Variants in SEMA5B observed in about 807,000 individuals in gnomAD.
SEMA5B encodes semaphorin-5B.
In SEMA5B, 66 loss-of-function variants were observed where a neutral mutation model predicts 135.0. That is an observed-to-expected ratio of 0.49 (90% CI 0.40 to 0.60). SEMA5B has a LOEUF of 0.60. Ranked by LOEUF, SEMA5B falls within the 20% of genes least tolerant of loss-of-function variation. SEMA5B has a pLI of 0.00. For missense variants in SEMA5B, 1,501 were observed against 1,566.3 expected, an observed-to-expected ratio of 0.96 and a Z score of 0.70; for synonymous variants, 690 against 639.5, an observed-to-expected ratio of 1.08 and a Z score of -1.19.
chr3:122,934,416 T>C (rs1939145490), intron 5 of SEMA5B, among the ~76,000 whole-genome samples: 1 of 152,198 alleles, frequency 6.6e-6, no homozygotes, highest in Non-Finnish European at 1.5e-5. Context: ...TAACAATCAA[T>C]GTACAGGTGA....
At chr3:123,015,703 T>A (rs1942539761) in intron 1 of SEMA5B, among the ~76,000 whole-genome samples, 8 of 152,138 alleles carry the variant, frequency 5.3e-5, no homozygotes, top group Admixed American at 5.2e-4. Flanking sequence ...ATATTAGGCA[T>A]TGTCACCCAA....
intron 1 of SEMA5B, among the ~76,000 whole-genome samples, chr3:122,979,423 C>T (rs1390239552): frequency 1.3e-5 from 2 of 152,226 alleles, no homozygotes; most frequent in Non-Finnish European, 2.9e-5. Context: ...CTTGTGCCAC[C>T]TCTGGGGGTT....
Position 122,961,257 on chromosome 3 carries a change from A to G in SEMA5B, c.7T>C (p.Cys3Arg). The G allele has an allele frequency of 1.2e-6, 2 of 1,614,040 alleles. No individual in the cohort carries two copies. The highest frequency in any genetic ancestry group is 4.5e-5 in the East Asian group (2 of 44,876). Residue 3 changes from cysteine (C) to arginine (R), a missense_variant, in exon 2 of 23, where the codon TGT (cysteine) becomes CGT (arginine). Physicochemically the swap from Cys to Arg is radical, Grantham distance 180. Around this residue, in one of 2 missense-constraint regions of SEMA5B, gnomAD observed 574 missense variants for 684.7 expected, o/e 0.84. Coordinates refer to ENST00000357599, the MANE Select transcript of SEMA5B (RefSeq NM_001031702.4). MP[C>R]GFSPSPVAHH... Reference sequence around the variant, plus strand: ...GCAACAGGAGACGGACTGAAGCCACAGGGCATCCAAGAGACACAGGCCAGG... The same window carrying G: ...GCAACAGGAGACGGACTGAAGCCACGGGGCATCCAAGAGACACAGGCCAGG...
intron 3 of SEMA5B, among the ~76,000 whole-genome samples, 188 bp downstream of exon 3, chr3:122,948,318 C>T (rs1300838841): frequency 2.0e-5 from 3 of 152,224 alleles, no homozygotes; most frequent in Non-Finnish European, 4.4e-5. Flanking sequence ...CCCCTCCAGC[C>T]CATTGCTGCC....
Position 123,012,141 on chromosome 3 carries a change from G to A in SEMA5B, c.-39+15323C>T, listed in dbSNP as rs147849279. On this transcript the variant is annotated intron_variant, in intron 1 of 22. Transcript: ENST00000357599. ...AGGCAAGTTTCTTAACCTCTCTGAG[G>A]TCTTTTCCTCGTGTGTAAACCGGGG... Among the ~76,000 whole-genome samples, 604 of 152,284 alleles carry A rather than the reference G, an allele frequency of 4.0e-3. 5 individuals carry two copies. The highest frequency in any genetic ancestry group is 0.014 in the African/African-American group (570 of 41,546).
chr3:122,943,595 G>A (rs1001693517), intron 3 of SEMA5B, 60 bp from the exon 4 acceptor site: 37 of 1,248,838 alleles, frequency 3.0e-5, no homozygotes, highest in Admixed American at 2.3e-4. Flanking sequence ...CAGCTGCATC[G>A]CAGCAGACCA....
At chr3:122,997,502 C>A (rs1031671643) in intron 1 of SEMA5B, among the ~76,000 whole-genome samples, 1 of 151,782 alleles carries the variant, frequency 6.6e-6, no homozygotes, top group East Asian at 1.9e-4. Flanking sequence ...CGCTACCTGG[C>A]TGGTCCCCAG....
chr3:122,924,742 C>T (rs1168129764), intron 9 of SEMA5B, among the ~76,000 whole-genome samples: 2 of 152,154 alleles, frequency 1.3e-5, no homozygotes, highest in African/African-American at 4.8e-5. Flanking sequence ...AACCTCTGCA[C>T]ATATTCCCTC....
intron 8 of SEMA5B, 112 bp downstream of exon 8, chr3:122,927,678 A>C: frequency 1.4e-6 from 1 of 718,496 alleles, no homozygotes; most frequent in Non-Finnish European, 2.0e-6. Context: ...TGATGAGGCA[A>C]GTGGGAGCAC....
intron 1 of SEMA5B, among the ~76,000 whole-genome samples, chr3:123,005,061 G>C (rs116557855): frequency 3.6e-4 from 55 of 152,234 alleles, no homozygotes; most frequent in African/African-American, 1.3e-3. Context: ...AGCATGAAAG[G>C]TCAGAGGAAT....
At chr3:122,979,880 C>A (rs1941463005) in intron 1 of SEMA5B, among the ~76,000 whole-genome samples, 1 of 152,228 alleles carries the variant, frequency 6.6e-6, no homozygotes, top group South Asian at 2.1e-4. Flanking sequence ...AGAGCACTGG[C>A]AACTCCCCAT....
At chr3:122,934,373 G>A (rs974476192) in intron 5 of SEMA5B, among the ~76,000 whole-genome samples, 2 of 152,156 alleles carry the variant, frequency 1.3e-5, no homozygotes, top group African/African-American at 2.4e-5. Flanking sequence ...AAGTAATCTT[G>A]CCAGAATCTA....
chr3:122,947,468 C>A (rs1284634091), intron 3 of SEMA5B, among the ~76,000 whole-genome samples: 14 of 152,228 alleles, frequency 9.2e-5, no homozygotes, highest in African/African-American at 2.9e-4. Flanking sequence ...CAGCTGGGTT[C>A]CATCTTACCC....
rs1176214343 is a variant in SEMA5B at position 122,912,220 on chromosome 3, G to A, written c.2848C>T (p.Leu950Phe). Residue 950 changes from leucine to phenylalanine, a missense_variant, in exon 19 of 23, where the codon CTC becomes TTC. Leu to Phe is a conservative substitution (Grantham distance 22). Around this residue, in one of 2 missense-constraint regions of SEMA5B, gnomAD observed 927 missense variants for 881.6 expected, o/e 1.05. Transcript: ENST00000357599. ...PAPSPGEDIC[L>F]GLHTEEALCA... ...AGTGCCTCCTCCGTGTGCAGCCCGA[G>A]ACAGATGTCCTCACCTGGGGAGGGT... The A allele has an allele frequency of 6.2e-7, 1 of 1,609,682 alleles. No homozygotes were observed. The highest frequency in any genetic ancestry group is 1.7e-5 in the Admixed American group (1 of 59,652).
chr3:122,929,023 G>T lies in SEMA5B; in HGVS notation c.510C>A (p.Arg170=). The stretch of plus-strand genomic sequence containing the variant: ...CAGTCTTCCCTTTGCTTTGGCAGGA[G>T]CGGCGCGTGTCCTCACTGGAGGCCC... The part of the protein sequence containing the change: ...TEWASSEDTR[R]SCQSKGKTEE... Residue 170 remains arginine (R), a synonymous_variant, in exon 6 of 23, where the codon CGC becomes CGA. Transcript: ENST00000357599. 1 of 1,612,414 alleles carries T rather than the reference G, an allele frequency of 6.2e-7. No individual in the cohort carries two copies. Among genetic ancestry groups the T allele is most frequent in the African/African-American group, 1.3e-5 (1 of 75,060 alleles).
At chr3:122,928,740 C>T in intron 6 of SEMA5B, 125 bp from the exon 7 acceptor site, 1 of 800,880 alleles carries the variant, frequency 1.2e-6, no homozygotes, top group Non-Finnish European at 2.0e-6. Flanking sequence ...ACCCCAGATC[C>T]ACCTGTCCCG....
chr3:123,019,566 G>T (rs546345534), intron 1 of SEMA5B, among the ~76,000 whole-genome samples: 17 of 152,272 alleles, frequency 1.1e-4, no homozygotes, highest in African/African-American at 3.9e-4. Context: ...TCCGGCCTGG[G>T]TGACAGAGTA....
In SEMA5B at chr3:122,947,544, G is replaced by A. The variant is rs143094878; in HGVS notation, c.328+962C>T. On this transcript the variant is annotated intron_variant, in intron 3 of 22. Transcript: ENST00000357599. ...ATGGGCCACCAGAGCATAGAGCAAC[G>A]GATCGCTCTGCAGTGGGCAGTGGAC... 5.6e-3 allele frequency among the ~76,000 whole-genome samples: 846 copies of A among 152,298 alleles called. 9 individuals are homozygous for A. The highest frequency in any genetic ancestry group is 0.018 in the African/African-American group (759 of 41,542).
chr3:122,943,568 G>T lies in SEMA5B; in HGVS notation c.329-33C>A, dbSNP rs755749936. 10 of 1,488,304 alleles carry T rather than the reference G, an allele frequency of 6.7e-6. No homozygotes were observed. The East Asian group carries it at 2.3e-4, about 34-fold the overall frequency. 92.2% of individuals were successfully genotyped at this position (1,488,304 alleles called of 1,614,324 possible). A position where few individuals can be genotyped will look rare whatever the true frequency, so the allele number is the denominator to read the frequency against. ...AGGGAGAGGCAACCCTGTGGTTACT[G>T]TTGGGCCAGAGGCTCCCAGCTGCAT... On this transcript the variant is annotated intron_variant, in intron 3 of 22. Transcript: ENST00000357599.
Sources: allele counts gnomAD v4.1 joint callset (sites outside exome capture counted in the v4.1 genomes callset), GRCh38; gene constraint gnomAD v4.1.1; regional missense constraint gnomAD v4.1.1; transcripts MANE v1.5; gene names NCBI Gene and HGNC (gene_info 2026-07-23, HGNC 2026-07-21).